Variants in RYR2 observed in about 807,000 individuals in gnomAD.
The protein encoded by RYR2 is cardiac muscle ryanodine receptor-calcium release channel.
Under a neutral mutation model 601.1 loss-of-function variants are expected in RYR2, and 227 were observed. The observed-to-expected ratio is 0.38, with a 90% CI of 0.34 to 0.42. The LOEUF is 0.42. RYR2 is among the 10% of genes least tolerant of loss of function. RYR2 has a pLI of 1.00. For synonymous variants in RYR2, 2,223 were observed against 2,175.1 expected (o/e 1.02, Z -0.61); for missense variants, 4,646 against 6,156.5 (o/e 0.75, Z 8.21).
intron 17 of RYR2, among the ~76,000 whole-genome samples, chr1:237,490,429 A>C (rs1663202040): frequency 6.6e-6 from 1 of 152,246 alleles, no homozygotes; most frequent in Non-Finnish European, 1.5e-5. Flanking sequence ...TAGCATGACC[A>C]GTCTATTAAA....
intron 101 of RYR2, among the ~76,000 whole-genome samples, chr1:237,827,671 G>A (rs1663276738): frequency 6.7e-6 from 1 of 149,626 alleles, no homozygotes; most frequent in African/African-American, 2.5e-5. Flanking sequence ...GGGCATGGTG[G>A]CTCACGCCTG....
chr1:237,461,717 T>C (rs941543656), intron 16 of RYR2, among the ~76,000 whole-genome samples: 1 of 151,688 alleles, frequency 6.6e-6, no homozygotes, highest in African/African-American at 2.4e-5. Flanking sequence ...AATGTACTAA[T>C]TACAGTTGAG....
intron 79 of RYR2, among the ~76,000 whole-genome samples, chr1:237,739,968 G>A (rs1004293783): frequency 6.6e-6 from 1 of 151,956 alleles, no homozygotes; most frequent in Admixed American, 6.6e-5. Flanking sequence ...TATTTTCTTC[G>A]AAATTATTTA....
chr1:237,147,480 G>A (rs1475348702), intron 1 of RYR2, among the ~76,000 whole-genome samples: 2 of 152,078 alleles, frequency 1.3e-5, no homozygotes, highest in African/African-American at 4.8e-5. Context: ...CTAAACTTGA[G>A]CCCCTCACAA....
At chr1:237,154,275 T>C (rs1166760495) in intron 1 of RYR2, among the ~76,000 whole-genome samples, 2 of 152,250 alleles carry the variant, frequency 1.3e-5, no homozygotes, top group Admixed American at 6.5e-5. Flanking sequence ...TATTTTATGA[T>C]GACACAAATA....
chr1:237,759,855 A>G lies in RYR2; in HGVS notation c.11402+3A>G. On this transcript the variant is annotated splice_donor_region_variant and intron_variant, in intron 83 of 104. Coordinates refer to ENST00000366574, the MANE Select transcript of RYR2 (RefSeq NM_001035.3). ...GCCGGCCTGATGCAGTCATGTAGGT[A>G]AGGACTCACTTCCTTCTTGGGGGTT... is the stretch of plus-strand genomic sequence containing the variant. 6.3e-7 allele frequency: 1 copy of G among 1,599,546 alleles called. No homozygotes were observed. Among genetic ancestry groups the G allele is most frequent in the East Asian group, 2.2e-5 (1 of 44,780 alleles).
chr1:237,229,433 C>G (rs1020109014), intron 1 of RYR2, among the ~76,000 whole-genome samples: 1 of 152,142 alleles, frequency 6.6e-6, no homozygotes. Flanking sequence ...GGCTGGTTTC[C>G]TGCTGCCCCA....
chr1:237,295,067 T>G (rs954220517), intron 2 of RYR2, among the ~76,000 whole-genome samples: 2 of 151,924 alleles, frequency 1.3e-5, no homozygotes, highest in Non-Finnish European at 2.9e-5. Context: ...TAGAGAAAAA[T>G]TAGCCGGGCG....
At chr1:237,412,424 G>A (rs1038072786) in intron 10 of RYR2, among the ~76,000 whole-genome samples, 3 of 152,096 alleles carry the variant, frequency 2.0e-5, no homozygotes, top group Non-Finnish European at 4.4e-5. Context: ...ATTTTTCAAA[G>A]TACTGTTGAA....
intron 24 of RYR2, among the ~76,000 whole-genome samples, chr1:237,512,216 G>C (rs2147773861): frequency 6.6e-6 from 1 of 152,232 alleles, no homozygotes; most frequent in East Asian, 1.9e-4. Context: ...TACATATATT[G>C]AATCTAATGA....
chr1:237,433,263 G>A (rs1707008427), intron 12 of RYR2, among the ~76,000 whole-genome samples: 1 of 151,846 alleles, frequency 6.6e-6, no homozygotes, highest in African/African-American at 2.4e-5. Context: ...GGTATCTCAG[G>A]AAAAAATAAA....
intron 79 of RYR2, among the ~76,000 whole-genome samples, chr1:237,741,601 T>C (rs1358958611): frequency 6.6e-6 from 1 of 152,146 alleles, no homozygotes; most frequent in African/African-American, 2.4e-5. Flanking sequence ...AGACTCTTTT[T>C]TCTTTATTTT....
At chr1:237,492,878 A>C (rs1285508410) in intron 18 of RYR2, 76 bp from the exon 19 acceptor site, 4 of 1,325,638 alleles carry the variant, frequency 3.0e-6, no homozygotes, top group Non-Finnish European at 3.9e-6. Context: ...GAAGAAGGGA[A>C]GGAAGGAAGG....
chr1:237,349,895 A>T (rs1245621160), intron 3 of RYR2, among the ~76,000 whole-genome samples: 1 of 152,158 alleles, frequency 6.6e-6, no homozygotes, highest in East Asian at 1.9e-4. Flanking sequence ...CTTAAATTAG[A>T]TTATGGTGAT....
At chr1:237,677,296 G>C (rs1685486138) in intron 60 of RYR2, among the ~76,000 whole-genome samples, 1 of 152,030 alleles carries the variant, frequency 6.6e-6, no homozygotes, top group African/African-American at 2.4e-5. Flanking sequence ...TATTATAGTT[G>C]ATTATTACCT....
intron 1 of RYR2, among the ~76,000 whole-genome samples, chr1:237,199,886 T>C (rs553866574): frequency 6.6e-6 from 1 of 152,362 alleles, no homozygotes; most frequent in African/African-American, 2.4e-5. Context: ...TTATCTACAC[T>C]GATATTAAAT....
Position 237,324,739 on chromosome 1 carries a change from A to G in RYR2, c.169-6139A>G, listed in dbSNP as rs191803309. ...TTGGCTAGTTACCCATGAGATCTGA[A>G]TTCCATGTTCCTGGTACGGGGATTT... is the stretch of plus-strand genomic sequence containing the variant. On this transcript the variant is annotated intron_variant, in intron 2 of 104. Transcript: ENST00000366574. Among the ~76,000 whole-genome samples the G allele has an allele frequency of 7.9e-5, 12 of 152,326 alleles. No homozygotes were observed. In the East Asian group the frequency reaches 2.3e-3, roughly 29 times the overall value.
Position 237,388,378 on chromosome 1 carries a change from C to T in RYR2, c.773+195C>T, listed in dbSNP as rs544914825. On this transcript the variant is annotated intron_variant, in intron 10 of 104. Coordinates refer to ENST00000366574, the MANE Select transcript of RYR2 (RefSeq NM_001035.3). ...ATGTTATATTTCTATTACCTACCAA[C>T]AGAAGAACTGAAAATTTTTGTATAA... 1.1e-4 allele frequency among the ~76,000 whole-genome samples: 16 copies of T among 152,306 alleles called. No individual in the cohort carries two copies. In the South Asian group the frequency reaches 3.3e-3, roughly 32 times the overall value.
At chr1:237,521,943 G>T (rs1667129072) in intron 24 of RYR2, among the ~76,000 whole-genome samples, 1 of 151,912 alleles carries the variant, frequency 6.6e-6, no homozygotes, top group African/African-American at 2.4e-5. Flanking sequence ...TCCACCACAA[G>T]ATCTTCCACA....
Sources: allele counts gnomAD v4.1 joint callset (sites outside exome capture counted in the v4.1 genomes callset), GRCh38; gene constraint gnomAD v4.1.1; transcripts MANE v1.5; gene names NCBI Gene and HGNC (gene_info 2026-07-23, HGNC 2026-07-21).